The following DOCK9 variants were observed in gnomAD, a reference collection of about 807,000 sequenced individuals.
DOCK9 encodes the protein dedicator of cytokinesis 9.
DOCK9 carries 89 observed loss-of-function variants against 263.3 expected under a neutral mutation model. The ratio of observed to expected loss-of-function variants is 0.34; its 90% CI spans 0.28 to 0.40. The LOEUF (loss-of-function observed/expected upper bound fraction) is 0.40. DOCK9 is among the 10% of genes least tolerant of loss of function. The pLI is 1.00. For missense variants in DOCK9, 2,140 were observed against 2,603.4 expected, an observed-to-expected ratio of 0.82 and a Z score of 3.87; for synonymous variants, 976 against 973.1, an observed-to-expected ratio of 1.00 and a Z score of -0.06.
chr13:98,817,701 G>C (rs2091976801), intron 45 of DOCK9, among the ~76,000 whole-genome samples: 1 of 144,966 alleles, frequency 6.9e-6, no homozygotes, highest in African/African-American at 2.6e-5. Context: ...TATAAGTATT[G>C]ATATATGATA....
chr13:98,981,073 T>TC (rs1442344939), upstream of DOCK9, among the ~76,000 whole-genome samples: 1 of 151,912 alleles, frequency 6.6e-6, no homozygotes, highest in Non-Finnish European at 1.5e-5. Context: ...TTTTTTTTTT[T>TC]CAAGGCAGGG....
intron 2 of DOCK9, among the ~76,000 whole-genome samples, chr13:98,936,740 CA>C (rs751475484): frequency 2.0e-5 from 3 of 152,024 alleles, no homozygotes; most frequent in Non-Finnish European, 4.4e-5. Context: ...CCTATTATTA[CA>C]AAAAGTTATC....
chr13:98,995,646 G>A (rs1033005087), intron 1 of DOCK9, among the ~76,000 whole-genome samples: 56 of 151,738 alleles, frequency 3.7e-4, no homozygotes, highest in African/African-American at 1.3e-3. Flanking sequence ...CTGCCACCAC[G>A]CCCGGCTAAT....
intron 1 of DOCK9, among the ~76,000 whole-genome samples, chr13:98,971,503 C>T (rs1444259732): frequency 4.6e-5 from 3 of 65,588 alleles, no homozygotes; most frequent in East Asian, 7.5e-4. Context: ...ATCAGGACAT[C>T]GAGACCATCC....
At chr13:98,867,820 T>TA (rs1457228568) in intron 29 of DOCK9, 108 bp downstream of exon 29, 4 of 1,086,536 alleles carry the variant, frequency 3.7e-6, no homozygotes, top group East Asian at 2.6e-5. Context: ...CTCAATACAA[T>TA]AAAAAAATTA....
At chr13:98,879,458 C>T (rs923450432) in intron 27 of DOCK9, among the ~76,000 whole-genome samples, 3 of 152,168 alleles carry the variant, frequency 2.0e-5, no homozygotes, top group Non-Finnish European at 2.9e-5. Flanking sequence ...ATGTCTATGA[C>T]GGTCAAGACA....
At chr13:98,952,355 C>T (rs2057534981) in intron 2 of DOCK9, among the ~76,000 whole-genome samples, 1 of 152,016 alleles carries the variant, frequency 6.6e-6, no homozygotes, top group South Asian at 2.1e-4. Flanking sequence ...CCTGCCTCAG[C>T]CTCCCGAGTA....
At position 98,920,991 on chromosome 13, in the gene DOCK9, C is replaced by A; in HGVS notation, c.680G>T (p.Gly227Val). The change falls in exon 7 of 53, where the codon GGA (glycine) becomes GTA (valine). Residue 227 changes from glycine to valine, a missense_variant. By Grantham distance (109) the Gly-to-Val change is moderately radical. Transcript: ENST00000682017. ...CATACAGGAATCCAGAAATATTGAT[C>A]CTTTTGGTTCTTTGGAGATCTTTTC... is the stretch of plus-strand genomic sequence containing the variant. ...KDEKISKEPK[G>V]SIFLDSCMGV... The A allele has an allele frequency of 6.2e-7, 1 of 1,607,404 alleles. No individual in the cohort carries two copies. Among genetic ancestry groups the A allele is most frequent in the Non-Finnish European group, 8.5e-7 (1 of 1,176,512 alleles).
rs1430190692 is a variant in DOCK9, at chr13:98,902,391, T to C, written c.1277A>G (p.Gln426Arg). ...HVDLNHFSVR[Q>R]MLATTSPALM... ...CGCCGGGGACGTGGTGGCGAGCATT[T>C]GCCTCACTGAGAAATGGTTCAGGTC... is the stretch of plus-strand genomic sequence containing the variant. Residue 426 changes from glutamine to arginine, a missense_variant, in exon 12 of 53, where the codon CAA (glutamine) becomes CGA (arginine). Transcript: ENST00000682017. 1 of 1,613,922 alleles carries C rather than the reference T, an allele frequency of 6.2e-7. No homozygotes were observed. Among genetic ancestry groups the C allele is most frequent in the Non-Finnish European group, 8.5e-7 (1 of 1,179,908 alleles).
At chr13:99,084,155 C>T (rs1261584938) in intron 1 of DOCK9, among the ~76,000 whole-genome samples, 1 of 152,202 alleles carries the variant, frequency 6.6e-6, no homozygotes, top group Non-Finnish European at 1.5e-5. Context: ...GGTGCACCTG[C>T]TGTGGCTCCC....
At chr13:98,860,597 G>C (rs1267761000) in intron 32 of DOCK9, 75 bp from the exon 33 acceptor site, 4 of 1,401,924 alleles carry the variant, frequency 2.9e-6, no homozygotes, top group African/African-American at 2.9e-5. Context: ...GAAGTGCCAG[G>C]GCAAGTGCAG....
At chr13:98,904,741 C>A in intron 9 of DOCK9, 35 bp from the exon 10 acceptor site, 1 of 1,522,574 alleles carries the variant, frequency 6.6e-7, no homozygotes, top group South Asian at 1.2e-5. Context: ...ACATTTAACA[C>A]AATCCTTTTC....
At chr13:98,821,104 T>C (rs772584668) in intron 45 of DOCK9, among the ~76,000 whole-genome samples, 3 of 152,312 alleles carry the variant, frequency 2.0e-5, no homozygotes, top group Non-Finnish European at 4.4e-5. Flanking sequence ...ATAATGAGGA[T>C]CACCTGTACT....
intron 1 of DOCK9, among the ~76,000 whole-genome samples, chr13:98,968,217 TA>T (rs1004483478): frequency 1.3e-5 from 2 of 152,202 alleles, no homozygotes; most frequent in Non-Finnish European, 2.9e-5. Context: ...ACCTTTTTTT[TA>T]AATAAGAATT....
intron 18 of DOCK9, among the ~76,000 whole-genome samples, chr13:98,887,326 T>C (rs1255421053): frequency 6.6e-6 from 1 of 150,984 alleles, no homozygotes; most frequent in Non-Finnish European, 1.5e-5. Context: ...CTAAAACATA[T>C]GGATAATAGG....
In DOCK9 at chr13:98,825,166, A is replaced by C. The variant is rs1594378327; in HGVS notation, c.5024-662T>G. Among the ~76,000 whole-genome samples, 1 of 152,212 alleles carries C rather than the reference A, an allele frequency of 6.6e-6. No homozygotes were observed. The highest frequency in any genetic ancestry group is 1.5e-5 in the Non-Finnish European group (1 of 68,038). On this transcript the variant is annotated intron_variant, in intron 44 of 52. Transcript: ENST00000682017. The surrounding 1 kb of genome is among the most constrained non-coding windows in gnomAD (Gnocchi z 4.1). ...CTTAGAGGCAGGATCAATGTCTGGG[A>C]TAAGGATGTGTTTCTTAAGCAATGA...
At chr13:98,982,678 G>C (rs1176947306), upstream of DOCK9, among the ~76,000 whole-genome samples, 10 of 152,138 alleles carry the variant, frequency 6.6e-5, no homozygotes, top group African/African-American at 2.4e-4. Flanking sequence ...AAGTGAAATG[G>C]TGTATTTGTA....
intron 1 of DOCK9, among the ~76,000 whole-genome samples, chr13:99,048,701 G>T (rs540766993): frequency 1.3e-5 from 2 of 152,142 alleles, no homozygotes; most frequent in African/African-American, 4.8e-5. Context: ...CAGCTCACAT[G>T]CAACACTCCC....
At chr13:98,931,967 A>G (rs779169074) in intron 2 of DOCK9, among the ~76,000 whole-genome samples, 1 of 150,342 alleles carries the variant, frequency 6.7e-6, no homozygotes, top group Non-Finnish European at 1.5e-5. Context: ...GGCTCAAACA[A>G]TCTCCCATCT....
Sources: gnomAD v4.1 joint callset for allele counts (sites outside exome capture counted in the v4.1 genomes callset) on GRCh38, gnomAD v4.1.1 for gene constraint, Gnocchi (gnomAD v3.1) non-coding constraint, MANE v1.5 for transcripts, NCBI Gene and HGNC (gene_info 2026-07-23, HGNC 2026-07-21) for gene names.